Variants in GRK4 observed in about 807,000 individuals in gnomAD.
GRK4 encodes G protein-coupled receptor kinase 4.
Under a neutral mutation model 77.9 loss-of-function variants are expected in GRK4, and 73 were observed. That is an observed-to-expected ratio of 0.94 (90% CI 0.78 to 1.14). The LOEUF is 1.14. GRK4 is among the 50% of genes most tolerant of loss of function. The pLI, the probability that GRK4 is intolerant of heterozygous loss-of-function variation, is 0.00. For missense variants in GRK4, 729 were observed against 700.2 expected (o/e 1.04, Z -0.46); for synonymous variants, 257 against 254.4 (o/e 1.01, Z -0.10).
At chr4:2,987,666 C>T (rs557052954) in intron 2 of GRK4, among the ~76,000 whole-genome samples, 46 of 152,196 alleles carry the variant, frequency 3.0e-4, no homozygotes, top group Admixed American at 2.6e-3. Flanking sequence ...GTTGGCCAGG[C>T]GCAGTGGCTC....
intron 1 of GRK4, among the ~76,000 whole-genome samples, chr4:2,975,635 C>G (rs1401516543): frequency 6.6e-6 from 1 of 152,108 alleles, no homozygotes; most frequent in Non-Finnish European, 1.5e-5. Flanking sequence ...CTAACATGGA[C>G]AGACAGATGA....
At position 3,035,524 on chromosome 4, in the gene GRK4, G is replaced by T; in HGVS notation, c.1407+1G>T. 6.2e-7 allele frequency: 1 copy of T among 1,611,936 alleles called. No individual in the cohort carries two copies. On this transcript the variant is annotated splice_donor_variant, in intron 13 of 15. Transcript: ENST00000398052. LOFTEE classifies it high-confidence loss of function. ...GCTGGAGCCCCCTTTCTGTCCTGAT[G>T]TAAGTGCATTGCCAGGACGAGCAGG...
Position 2,986,887 on chromosome 4 carries a change from G to T in GRK4, c.149-1840G>T, listed in dbSNP as rs539313004. ...AGTTTCAGGTGGTATAAAGGAGCTA[G>T]TATTTCCCTCATTGTTGTAACCCCC... On this transcript the variant is annotated intron_variant, in intron 2 of 15. Coordinates refer to ENST00000398052, the MANE Select transcript of GRK4 (RefSeq NM_182982.3). 1.1e-4 allele frequency: 34 copies of T among 321,646 alleles called. 1 individual carries two copies. The highest frequency in any genetic ancestry group is 7.2e-4 in the South Asian group (29 of 40,090). The allele number at this position is 321,646 out of a possible 1,614,324, so 19.9% of individuals were successfully genotyped here.
At chr4:3,015,341 A>C (rs1265344719) in intron 8 of GRK4, among the ~76,000 whole-genome samples, 2 of 152,202 alleles carry the variant, frequency 1.3e-5, no homozygotes, top group African/African-American at 4.8e-5. Flanking sequence ...TGCTTTGTGC[A>C]GGGGGACAAA....
rs532105885 is a variant in GRK4, at chr4:3,035,137, C to T, written c.1270-249C>T. Among the ~76,000 whole-genome samples, 37 of 151,904 alleles carry T rather than the reference C, an allele frequency of 2.4e-4. No homozygotes were observed. In the South Asian group the frequency reaches 7.5e-3, roughly 31 times the overall value. ...GCGGGTGCCCATAGTCCCAGCTACT[C>T]GGGAGGCTGAGGCAGGAGAATGGCG... On this transcript the variant is annotated intron_variant, in intron 12 of 15. Coordinates refer to ENST00000398052, the MANE Select transcript of GRK4 (RefSeq NM_182982.3).
At chr4:3,004,415 T>C in intron 5 of GRK4, 81 bp downstream of exon 5, 1 of 874,000 alleles carries the variant, frequency 1.1e-6, no homozygotes, top group South Asian at 1.5e-5. Flanking sequence ...TTTCTCTGCA[T>C]AAGACAAGTT....
intron 10 of GRK4, among the ~76,000 whole-genome samples, chr4:3,024,758 C>G (rs1159210528): frequency 1.3e-5 from 2 of 151,514 alleles, no homozygotes; most frequent in African/African-American, 4.9e-5. Flanking sequence ...CTCAGGAGGC[C>G]GAGGCAGGAG....
chr4:2,990,090 T>C (rs1241448926), intron 3 of GRK4, among the ~76,000 whole-genome samples: 2 of 152,130 alleles, frequency 1.3e-5, no homozygotes, highest in Non-Finnish European at 2.9e-5. Flanking sequence ...CACAGCTTTT[T>C]AAAACTTTAA....
At chr4:3,010,611 G>A (rs1452875170) in intron 7 of GRK4, among the ~76,000 whole-genome samples, 8 of 152,042 alleles carry the variant, frequency 5.3e-5, no homozygotes, top group Non-Finnish European at 1.0e-4. Flanking sequence ...TCTGGTCTGG[G>A]GATTTAAAGA....
intron 1 of GRK4, among the ~76,000 whole-genome samples, chr4:2,977,972 C>A (rs879739150): frequency 2.6e-5 from 4 of 152,162 alleles, no homozygotes; most frequent in Non-Finnish European, 5.9e-5. Context: ...AAATGTTTTC[C>A]CCCATTCCAT....
intron 1 of GRK4, among the ~76,000 whole-genome samples, chr4:2,983,745 C>A (rs563000467): frequency 3.3e-5 from 5 of 152,218 alleles, no homozygotes; most frequent in African/African-American, 1.2e-4. Flanking sequence ...TCCATTTTCA[C>A]ACTGCTGTGA....
intron 4 of GRK4, 22 bp from the exon 5 acceptor site, chr4:3,004,209 A>T (rs752162570): frequency 2.0e-6 from 3 of 1,479,206 alleles, no homozygotes; most frequent in East Asian, 4.5e-5. Flanking sequence ...ATGGTTATGT[A>T]TTTGGTTTGT....
intron 9 of GRK4, among the ~76,000 whole-genome samples, chr4:3,021,773 C>T (rs192382419): frequency 2.6e-5 from 4 of 152,266 alleles, no homozygotes; most frequent in Admixed American, 1.3e-4. Flanking sequence ...ACGGCTGAGC[C>T]GCTGTGTTTG....
chr4:2,969,771 G>A (rs552143342), intron 1 of GRK4, among the ~76,000 whole-genome samples: 1 of 151,974 alleles, frequency 6.6e-6, no homozygotes, highest in Non-Finnish European at 1.5e-5. Flanking sequence ...CTTGAACTCT[G>A]GGGCCAAGCA....
rs755255440 is a variant in GRK4, at chr4:3,004,266, T to C, written c.375T>C (p.Val125=). The change falls in exon 5 of 16, where the codon GTT becomes GTC. Residue 125 remains valine (V), a synonymous_variant. Transcript: ENST00000398052. The stretch of plus-strand genomic sequence containing the variant: ...CTTTACCAGAAATACCTCCAGATGT[T>C]GTGACAGAATGTAGATTGGGACTGA... ...AAPLPEIPPD[V]VTECRLGLKE... 6.2e-7 allele frequency: 1 copy of C among 1,613,880 alleles called. No individual in the cohort carries two copies. Among genetic ancestry groups the C allele is most frequent in the Non-Finnish European group, 8.5e-7 (1 of 1,179,764 alleles).
intron 4 of GRK4, among the ~76,000 whole-genome samples, chr4:2,997,724 A>G (rs1728345463): frequency 1.3e-5 from 2 of 152,066 alleles, no homozygotes; most frequent in African/African-American, 4.8e-5. Context: ...CCTGGCCAGC[A>G]TGGTGAAACC....
intron 12 of GRK4, among the ~76,000 whole-genome samples, chr4:3,035,045 CAGG>C (rs1740205585): frequency 6.6e-6 from 1 of 151,916 alleles, no homozygotes; most frequent in South Asian, 2.1e-4. Context: ...ATCACGAGGT[CAGG>C]AGATGGAGAC....
chr4:2,992,331 T>C (rs2109681710), intron 4 of GRK4, 39 bp downstream of exon 4: 1 of 1,317,764 alleles, frequency 7.6e-7, no homozygotes, highest in South Asian at 1.2e-5. Context: ...TGTAGATAAA[T>C]AATTAGAGTG....
At chr4:2,992,372 G>T in intron 4 of GRK4, 80 bp downstream of exon 4, 1 of 939,544 alleles carries the variant, frequency 1.1e-6, no homozygotes, top group Non-Finnish European at 1.7e-6. Context: ...TAGATAAGAC[G>T]TAACATATGT....
Sources: gnomAD v4.1 joint callset for allele counts (sites outside exome capture counted in the v4.1 genomes callset) on GRCh38, gnomAD v4.1.1 for gene constraint, MANE v1.5 for transcripts, NCBI Gene and HGNC (gene_info 2026-07-23, HGNC 2026-07-21) for gene names.